ZFHX3: variants seen among roughly 807,000 people sequenced by gnomAD.
The protein encoded by ZFHX3 is zinc finger homeobox protein 3.
In ZFHX3, 42 loss-of-function variants were observed where a neutral mutation model predicts 279.1. The ratio of observed to expected loss-of-function variants is 0.15; its 90% CI spans 0.12 to 0.19. The LOEUF is 0.19. ZFHX3 is among the 10% of genes least tolerant of loss of function. The pLI is 1.00. For synonymous variants in ZFHX3, 2,293 were observed against 1,957.8 expected (o/e 1.17, Z -4.52); for missense variants, 4,981 against 4,754.0 (o/e 1.05, Z -1.40).
At chr16:73,708,436 C>A (rs1347495062) in intron 1 of ZFHX3, among the ~76,000 whole-genome samples, 1 of 152,154 alleles carries the variant, frequency 6.6e-6, no homozygotes, top group Non-Finnish European at 1.5e-5. Context: ...TAAAGGAAAT[C>A]TATTACTCCA....
chr16:73,137,814 A>G (rs1966818214), intron 6 of ZFHX3, among the ~76,000 whole-genome samples: 1 of 152,042 alleles, frequency 6.6e-6, no homozygotes, highest in African/African-American at 2.4e-5. Context: ...CTCAAACAGC[A>G]GCTTTGTTAT....
At chr16:73,198,787 A>G (rs1305344256) in intron 5 of ZFHX3, among the ~76,000 whole-genome samples, 2 of 152,218 alleles carry the variant, frequency 1.3e-5, no homozygotes, top group Non-Finnish European at 2.9e-5. Context: ...ACTCAGATGC[A>G]GGAGGGAAGC....
chr16:73,783,656 CA>C (rs1243545108), intron 1 of ZFHX3, among the ~76,000 whole-genome samples: 1 of 152,196 alleles, frequency 6.6e-6, no homozygotes, highest in African/African-American at 2.4e-5. Flanking sequence ...AACTGTAAAT[CA>C]GTACTGATTG....
At chr16:73,109,293 C>CT (rs913494856) in intron 7 of ZFHX3, among the ~76,000 whole-genome samples, 17 of 151,964 alleles carry the variant, frequency 1.1e-4, no homozygotes, top group African/African-American at 3.9e-4. Flanking sequence ...CTGTAAATTG[C>CT]TTTTTTTTCA....
intron 1 of ZFHX3, among the ~76,000 whole-genome samples, chr16:73,841,628 C>G (rs184469229): frequency 6.6e-6 from 1 of 152,106 alleles, no homozygotes; most frequent in Non-Finnish European, 1.5e-5. Context: ...TATCTCCTCC[C>G]CAAGAGCTGA....
At chr16:73,649,433 T>A (rs2052650568) in intron 2 of ZFHX3, among the ~76,000 whole-genome samples, 1 of 152,154 alleles carries the variant, frequency 6.6e-6, no homozygotes, top group Non-Finnish European at 1.5e-5. Context: ...TTTCAGAACA[T>A]AAATGTAAAT....
At chr16:73,749,790 A>T (rs1443938557) in intron 1 of ZFHX3, among the ~76,000 whole-genome samples, 1 of 152,216 alleles carries the variant, frequency 6.6e-6, no homozygotes, top group Non-Finnish European at 1.5e-5. Context: ...CATGAATACA[A>T]GGTTTGATTT....
Position 73,861,108 on chromosome 16 carries a change from C to A in ZFHX3, c.-1608+30543G>T, listed in dbSNP as rs538703917. Among the ~76,000 whole-genome samples the A allele has an allele frequency of 4.0e-5, 6 of 151,726 alleles. No homozygotes were observed. In the South Asian group the frequency reaches 1.3e-3, roughly 32 times the overall value. On this transcript the variant is annotated intron_variant, in intron 1 of 17. Coordinates refer to the ZFHX3 transcript ENST00000641206. The stretch of plus-strand genomic sequence containing the variant: ...CCTCCTGAGTAGCTGAGACTACAGG[C>A]AAGTGCCACCACACCTGGATGGTTT...
At chr16:73,657,352 G>C (rs2052732611) in intron 2 of ZFHX3, among the ~76,000 whole-genome samples, 1 of 152,244 alleles carries the variant, frequency 6.6e-6, no homozygotes, top group South Asian at 2.1e-4. Flanking sequence ...AGCTACTTGG[G>C]AGGCTGAGGC....
rs777216867 is a variant in ZFHX3, at chr16:72,788,599, A to C, written c.9677T>G (p.Leu3226Arg). Reference protein sequence around the residue: ...AQPPPTPQLPLQQQQQRKDKD... With the variant: ...AQPPPTPQLPRQQQQQRKDKD... The stretch of plus-strand genomic sequence containing the variant: ...GTCCTTGCGTTGCTGCTGCTGTTGC[A>C]GTGGGAGCTGTGGTGTGGGTGGCGG... The change falls in exon 10 of 10, where the codon CTG (leucine) becomes CGG (arginine). Residue 3226 changes from leucine to arginine, a missense_variant. Leu to Arg is a moderately radical substitution (Grantham distance 102). This residue lies in a region of ZFHX3 where 1,034 missense variants were observed against 786.0 expected (regional missense o/e 1.32). Coordinates refer to ENST00000268489, the MANE Select transcript of ZFHX3 (RefSeq NM_006885.4). 6.2e-7 allele frequency: 1 copy of C among 1,613,104 alleles called. No individual in the cohort carries two copies. Among genetic ancestry groups the C allele is most frequent in the South Asian group, 1.1e-5 (1 of 91,018 alleles).
intron 4 of ZFHX3, among the ~76,000 whole-genome samples, chr16:73,264,766 A>G (rs944723516): frequency 6.6e-6 from 1 of 151,960 alleles, no homozygotes; most frequent in Non-Finnish European, 1.5e-5. Flanking sequence ...CCCAAAGTCC[A>G]TTGTATCATT....
intron 4 of ZFHX3, among the ~76,000 whole-genome samples, chr16:72,882,172 CTTTT>C (rs11298791): frequency 2.4e-4 from 25 of 103,770 alleles, no homozygotes; most frequent in African/African-American, 3.5e-4. Context: ...CCCCTTTTTC[CTTTT>C]TTTTTTTTTT....
At chr16:73,398,205 C>T (rs192721046) in intron 3 of ZFHX3, among the ~76,000 whole-genome samples, 10 of 152,136 alleles carry the variant, frequency 6.6e-5, no homozygotes, top group East Asian at 3.9e-4. Context: ...CATGGAGAGT[C>T]GGGGGTTCAG....
chr16:73,211,396 C>G (rs915294824), intron 5 of ZFHX3, among the ~76,000 whole-genome samples: 5 of 152,084 alleles, frequency 3.3e-5, no homozygotes, highest in Non-Finnish European at 7.4e-5. Flanking sequence ...TTTTGTCACT[C>G]AAATTTTATC....
chr16:73,053,769 G>A (rs181127194), intron 1 of ZFHX3, among the ~76,000 whole-genome samples: 1 of 152,130 alleles, frequency 6.6e-6, no homozygotes, highest in Non-Finnish European at 1.5e-5. Flanking sequence ...GCAGCCACAG[G>A]CTCTGAGCTG....
chr16:73,042,844 T>C (rs1965166215), intron 1 of ZFHX3, among the ~76,000 whole-genome samples: 1 of 152,048 alleles, frequency 6.6e-6, no homozygotes, highest in Non-Finnish European at 1.5e-5. Flanking sequence ...CATACATTCC[T>C]AACTGCTGCC....
At chr16:73,879,173 T>A (rs1005975363) in intron 1 of ZFHX3, among the ~76,000 whole-genome samples, 2 of 151,528 alleles carry the variant, frequency 1.3e-5, no homozygotes, top group African/African-American at 4.8e-5. Flanking sequence ...AGCTTGTGAT[T>A]TTTCGCAAGC....
intron 2 of ZFHX3, among the ~76,000 whole-genome samples, chr16:73,537,464 G>A (rs567979346): frequency 1.2e-4 from 19 of 152,002 alleles, no homozygotes; most frequent in East Asian, 7.8e-4. Flanking sequence ...CTACAGGCAC[G>A]TGCTGCCACG....
chr16:72,883,052 G>T (rs1489651810), intron 4 of ZFHX3, among the ~76,000 whole-genome samples: 4 of 123,474 alleles, frequency 3.2e-5, no homozygotes, highest in Non-Finnish European at 6.9e-5. Flanking sequence ...GTGTGTGTGT[G>T]TAGCGGGTAG....
Sources: gnomAD v4.1 joint callset for allele counts (sites outside exome capture counted in the v4.1 genomes callset) on GRCh38, gnomAD v4.1.1 for gene constraint, gnomAD v4.1.1 regional missense constraint, MANE v1.5 for transcripts, NCBI Gene and HGNC (gene_info 2026-07-23, HGNC 2026-07-21) for gene names.